The following AGER variants were observed in gnomAD, a reference collection of about 807,000 sequenced individuals.
The protein encoded by AGER is advanced glycosylation end-product specific receptor.
AGER carries 46 observed loss-of-function variants against 48.8 expected under a neutral mutation model. That is an observed-to-expected ratio of 0.94 (90% CI 0.74 to 1.20). The LOEUF (loss-of-function observed/expected upper bound fraction) is 1.20. Among genes scored for constraint, AGER ranks in the 50% most tolerant of loss-of-function variants. The pLI, the probability that AGER is intolerant of heterozygous loss-of-function variation, is 0.00. For synonymous variants in AGER, 170 were observed against 199.9 expected (o/e 0.85, Z 1.26); for missense variants, 489 against 515.0 (o/e 0.95, Z 0.49).
At position 32,181,725 on chromosome 6, in the gene AGER, T is replaced by G; in HGVS notation, c.965-93A>C. ...GCCCCAGTGGAGTCTTTCCCTTTCT[T>G]TTTTTTTTTGAGATGGAGTTTCACT... On this transcript the variant is annotated intron_variant, in intron 8 of 10. Coordinates refer to ENST00000375076, the MANE Select transcript of AGER (RefSeq NM_001136.5). This position sits in a 1 kb window ranked among gnomAD's most constrained non-coding sequence, Gnocchi z 4.1. 7.9e-7 allele frequency: 1 copy of G among 1,270,700 alleles called. No individual in the cohort carries two copies. Among genetic ancestry groups the G allele is most frequent in the Non-Finnish European group, 1.1e-6 (1 of 914,084 alleles). The allele number at this position is 1,270,700 out of a possible 1,614,324, so 78.7% of individuals were successfully genotyped here.
chr6:32,184,223 C>G lies in AGER; in HGVS notation c.-1G>C, dbSNP rs771679341. 6.2e-7 allele frequency: 1 copy of G among 1,612,436 alleles called. No homozygotes were observed. The highest frequency in any genetic ancestry group is 8.5e-7 in the Non-Finnish European group (1 of 1,179,692). On this transcript the variant is annotated 5_prime_UTR_variant, in exon 1 of 11. Transcript: ENST00000375076. ...CTCCAACTGCTGTTCCGGCAGCCAT[C>G]CTGCTTCCTTCCAGGGTCCTGGCTC... is the stretch of plus-strand genomic sequence containing the variant.
At position 32,182,723 on chromosome 6, in the gene AGER, T is replaced by C; in HGVS notation, c.692-25A>G. 1.9e-5 allele frequency: 31 copies of C among 1,613,048 alleles called. No individual in the cohort carries two copies. Among genetic ancestry groups the C allele is most frequent in the Non-Finnish European group, 2.6e-5 (31 of 1,180,022 alleles). On this transcript the variant is annotated intron_variant, in intron 6 of 10. Transcript: ENST00000375076. The surrounding 1 kb of genome is among the most constrained non-coding windows in gnomAD (Gnocchi z 5.1). ...TCTGGGAGTTGGAAGGGTTTTGAGG[T>C]GGAGAGTTACACTTGTGAGTGATCC...
Position 32,181,160 on chromosome 6 carries a change from T to C in AGER, c.1198A>G (p.Ser400Gly). The change falls in exon 11 of 11, where the codon AGT (serine) becomes GGT (glycine). Residue 400 changes from serine (S) to glycine (G), a missense_variant. Ser to Gly is a moderately conservative substitution (Grantham distance 56). Transcript: ENST00000375076. This position sits in a 1 kb window ranked among gnomAD's most constrained non-coding sequence, Gnocchi z 4.1. ...QSEEPEAGES[S>G]TGGP is the part of the protein sequence containing the mutation. ...TGGGCCCCTCAAGGCCCTCCAGTAC[T>C]ACTCTCGCCTGCCTCAGGTTCCTCC... 1 of 1,614,234 alleles carries C rather than the reference T, an allele frequency of 6.2e-7. No individual in the cohort carries two copies. The highest frequency in any genetic ancestry group is 8.5e-7 in the Non-Finnish European group (1 of 1,180,036).
rs1411476164 is a variant in AGER at position 32,181,753 on chromosome 6, T to G, written c.965-121A>C. On this transcript the variant is annotated intron_variant, in intron 8 of 10. Coordinates refer to ENST00000375076, the MANE Select transcript of AGER (RefSeq NM_001136.5). The surrounding 1 kb of genome is among the most constrained non-coding windows in gnomAD (Gnocchi z 4.1). ...TTTTTTTGAGATGGAGTTTCACTTT[T>G]GTTGCCCAGGCTGGCATGCAATGGT... The G allele has an allele frequency of 9.1e-7, 1 of 1,098,454 alleles. No homozygotes were observed. Among genetic ancestry groups the G allele is most frequent in the African/African-American group, 1.6e-5 (1 of 63,352 alleles). The allele number at this position is 1,098,454 out of a possible 1,614,324, so 68.0% of individuals were successfully genotyped here.
Position 32,182,353 on chromosome 6 carries a change from C to G in AGER, c.858G>C (p.Leu286=). 1 of 1,612,406 alleles carries G rather than the reference C, an allele frequency of 6.2e-7. No individual in the cohort carries two copies. Among genetic ancestry groups the G allele is most frequent in the African/African-American group, 1.3e-5 (1 of 74,884 alleles). The change falls in exon 8 of 11, where the codon CTG becomes CTC. Residue 286 remains leucine, a synonymous_variant. Transcript: ENST00000375076. The surrounding 1 kb of genome is among the most constrained non-coding windows in gnomAD (Gnocchi z 5.1). The part of the protein sequence containing the change: ...VPLPLPPSPV[L]ILPEIGPQDQ... ...CCTGAGGCCCTATCTCAGGGAGGAT[C>G]AGCACAGGGCTGGGGGGAAGGGGCA...
chr6:32,182,089 G>T lies in AGER; in HGVS notation c.964+158C>A. On this transcript the variant is annotated intron_variant, in intron 8 of 10. Coordinates refer to ENST00000375076, the MANE Select transcript of AGER (RefSeq NM_001136.5). This position sits in a 1 kb window ranked among gnomAD's most constrained non-coding sequence, Gnocchi z 5.1. ...AGGGAGAGGCTTGGCTGCTCTCTTG[G>T]CAGAATTTGGGTGGGGCAGGGGAGG... is the stretch of plus-strand genomic sequence containing the variant. 1.9e-6 allele frequency: 2 copies of T among 1,054,650 alleles called. No individual in the cohort carries two copies. The highest frequency in any genetic ancestry group is 2.8e-6 in the Non-Finnish European group (2 of 702,546). The allele number at this position is 1,054,650 out of a possible 1,614,324, so 65.3% of individuals were successfully genotyped here. A position where few individuals can be genotyped will look rare whatever the true frequency, so the allele number is the denominator to read the frequency against.
At position 32,182,145 on chromosome 6, in the gene AGER, G is replaced by A. The variant is rs1786332595; in HGVS notation, c.964+102C>T. 1 of 1,519,386 alleles carries A rather than the reference G, an allele frequency of 6.6e-7. No homozygotes were observed. Among genetic ancestry groups the A allele is most frequent in the African/African-American group, 1.4e-5 (1 of 73,122 alleles). The allele number at this position is 1,519,386 out of a possible 1,614,324, so 94.1% of individuals were successfully genotyped here. A position where few individuals can be genotyped will look rare whatever the true frequency, so the allele number is the denominator to read the frequency against. ...GTGTGGGTGCATGGAGGGAGAGGTG[G>A]GGTGGCTGTTAGGGATAAGGCCAGA... is the stretch of plus-strand genomic sequence containing the variant. On this transcript the variant is annotated intron_variant, in intron 8 of 10. Coordinates refer to ENST00000375076, the MANE Select transcript of AGER (RefSeq NM_001136.5). This position sits in a 1 kb window ranked among gnomAD's most constrained non-coding sequence, Gnocchi z 5.1.
Position 32,182,392 on chromosome 6 carries a change from G to T in AGER, c.823-4C>A. 3 of 1,609,662 alleles carry T rather than the reference G, an allele frequency of 1.9e-6. No individual in the cohort carries two copies. The highest frequency in any genetic ancestry group is 2.5e-6 in the Non-Finnish European group (3 of 1,178,040). ...GGGGAAGGGGCAAGGGCACACCCTGGTGGGGGAAGGGGAGAGGAGACTATT... is the reference window on the plus strand; with the variant it reads ...GGGGAAGGGGCAAGGGCACACCCTGTTGGGGGAAGGGGAGAGGAGACTATT... On this transcript the variant is annotated splice_region_variant and splice_polypyrimidine_tract_variant and intron_variant, in intron 7 of 10. Transcript: ENST00000375076. The surrounding 1 kb of genome is among the most constrained non-coding windows in gnomAD (Gnocchi z 5.1).
At position 32,182,402 on chromosome 6, in the gene AGER, G is replaced by C. The variant is rs780570376; in HGVS notation, c.823-14C>G. On this transcript the variant is annotated splice_polypyrimidine_tract_variant and intron_variant, in intron 7 of 10. Coordinates refer to ENST00000375076, the MANE Select transcript of AGER (RefSeq NM_001136.5). The surrounding 1 kb of genome is among the most constrained non-coding windows in gnomAD (Gnocchi z 5.1). ...CAAGGGCACACCCTGGTGGGGGAAG[G>C]GGAGAGGAGACTATTTCAAAACCCT... The C allele has an allele frequency of 5.6e-6, 9 of 1,606,016 alleles. No homozygotes were observed. Among genetic ancestry groups the C allele is most frequent in the Non-Finnish European group, 7.7e-6 (9 of 1,175,986 alleles).
Position 32,183,889 on chromosome 6 carries a change from A to G in AGER, c.151T>C (p.Trp51Arg). 1 of 1,613,000 alleles carries G rather than the reference A, an allele frequency of 6.2e-7. No individual in the cohort carries two copies. The highest frequency in any genetic ancestry group is 2.2e-5 in the East Asian group (1 of 44,880). ...ACAGGAGCCCCGCTTACCAGTTTCCATTCCAGCCGCTGGGGTGGTTTCTTG... is the reference window on the plus strand; with the variant it reads ...ACAGGAGCCCCGCTTACCAGTTTCCGTTCCAGCCGCTGGGGTGGTTTCTTG... ...APKKPPQRLE[W>R]KLNTGRTEAW... The change falls in exon 2 of 11, where the codon TGG (tryptophan) becomes CGG (arginine). Residue 51 changes from tryptophan to arginine, a missense_variant. Transcript: ENST00000375076.
At position 32,181,276 on chromosome 6, in the gene AGER, C is replaced by T. The variant is rs764515549; in HGVS notation, c.1119-37G>A. The T allele has an allele frequency of 1.1e-5, 17 of 1,613,730 alleles. No homozygotes were observed. In the African/African-American group the frequency reaches 1.1e-4, roughly 10 times the overall value. ...GATTGGGGGGAATGCGGCACGTTGT[C>T]GTTCCACCCCCCGACCCCTCTTCGC... On this transcript the variant is annotated intron_variant, in intron 10 of 10. Coordinates refer to ENST00000375076, the MANE Select transcript of AGER (RefSeq NM_001136.5). This position sits in a 1 kb window ranked among gnomAD's most constrained non-coding sequence, Gnocchi z 4.1.
chr6:32,181,677 T>C lies in AGER; in HGVS notation c.965-45A>G. The C allele has an allele frequency of 6.3e-7, 1 of 1,596,736 alleles. No individual in the cohort carries two copies. Among genetic ancestry groups the C allele is most frequent in the Non-Finnish European group, 8.6e-7 (1 of 1,167,236 alleles). The stretch of plus-strand genomic sequence containing the variant: ...CCAGTCAGAAAGGAAGACTTCGGGT[T>C]GAGAGAGGGTTATTTAGTGGGAGCC... On this transcript the variant is annotated intron_variant, in intron 8 of 10. Coordinates refer to ENST00000375076, the MANE Select transcript of AGER (RefSeq NM_001136.5). The surrounding 1 kb of genome is among the most constrained non-coding windows in gnomAD (Gnocchi z 4.1).
chr6:32,183,626 C>G lies in AGER; in HGVS notation c.284G>C (p.Gly95Ala), dbSNP rs955109132. The G allele has an allele frequency of 7.4e-6, 12 of 1,613,060 alleles. No homozygotes were observed. Among genetic ancestry groups the G allele is most frequent in the Non-Finnish European group, 9.3e-6 (11 of 1,180,028 alleles). Residue 95 changes from glycine to alanine, a missense_variant, in exon 3 of 11, where the codon GGG becomes GCG. Transcript: ENST00000375076. ...GTTCATTGCCTGGCACCGGAAAATC[C>G]CCTCATCCTGGATCCCGACAGCCGG... is the stretch of plus-strand genomic sequence containing the variant. ...FLPAVGIQDEGIFRCQAMNRN... is the reference protein window; with the variant it reads ...FLPAVGIQDEAIFRCQAMNRN...
rs761424289 is a variant in AGER at position 32,184,036 on chromosome 6, C to G, written c.53-49G>C. 2.5e-6 allele frequency: 4 copies of G among 1,612,056 alleles called. No homozygotes were observed. In the South Asian group the frequency reaches 4.4e-5, roughly 18 times the overall value. ...GGGGTAGGAAGGGAATGAGGGCTAA[C>G]AAAATTTGGACAGGGTGGGTGAGGG... On this transcript the variant is annotated intron_variant, in intron 1 of 10. Coordinates refer to ENST00000375076, the MANE Select transcript of AGER (RefSeq NM_001136.5).
At position 32,182,525 on chromosome 6, in the gene AGER, A is replaced by G; in HGVS notation, c.822+43T>C. 1 of 1,604,294 alleles carries G rather than the reference A, an allele frequency of 6.2e-7. No individual in the cohort carries two copies. The highest frequency in any genetic ancestry group is 1.7e-4 in the Middle Eastern group (1 of 6,018). The stretch of plus-strand genomic sequence containing the variant: ...CCCTCTGCCCTCCCTGTTGCTAGTT[A>G]TGGTTCACCCTACCTCCCAGCCCCT... On this transcript the variant is annotated intron_variant, in intron 7 of 10. Transcript: ENST00000375076. This position sits in a 1 kb window ranked among gnomAD's most constrained non-coding sequence, Gnocchi z 5.1.
At position 32,181,544 on chromosome 6, in the gene AGER, TC is replaced by T. The variant is rs780501411; in HGVS notation, c.991+61del. 1.1e-5 allele frequency: 17 copies of T among 1,612,814 alleles called. No homozygotes were observed. Among genetic ancestry groups the T allele is most frequent in the Non-Finnish European group, 1.4e-5 (17 of 1,180,000 alleles). ...CTCACCATTCCTTTCTTGTTGACCA[TC>T]CCCCCAGTCACATGTGTTGGGGGCT... On this transcript the variant is annotated intron_variant, in intron 9 of 10. Coordinates refer to ENST00000375076, the MANE Select transcript of AGER (RefSeq NM_001136.5). The surrounding 1 kb of genome is among the most constrained non-coding windows in gnomAD (Gnocchi z 4.1).
chr6:32,183,163 C>T lies in AGER; in HGVS notation c.459G>A (p.Gly153=). 1 of 1,613,094 alleles carries T rather than the reference C, an allele frequency of 6.2e-7. No homozygotes were observed. The highest frequency in any genetic ancestry group is 8.5e-7 in the Non-Finnish European group (1 of 1,180,018). Residue 153 remains glycine (G), a synonymous_variant, in exon 5 of 11, where the codon GGG becomes GGA. Transcript: ENST00000375076. ...TCVSEGSYPA[G]TLSWHLDGKP... The stretch of plus-strand genomic sequence containing the variant: ...TCCCATCCAAGTGCCAGCTAAGAGT[C>T]CCTGCAGGGTAGCTTCCCTCTGACA...
At chr6:32,183,076 C>T in intron 5 of AGER, 38 bp downstream of exon 5, 1 of 1,612,996 alleles carries the variant, frequency 6.2e-7, no homozygotes, top group Non-Finnish European at 8.5e-7. Context: ...GGAGTGAGAT[C>T]AGGGAGAAGG....
chr6:32,182,366 G>A lies in AGER; in HGVS notation c.845C>T (p.Pro282Leu). The change falls in exon 8 of 11, where the codon CCC (proline) becomes CTC (leucine). Residue 282 changes from proline to leucine, a missense_variant. Coordinates refer to ENST00000375076, the MANE Select transcript of AGER (RefSeq NM_001136.5). The surrounding 1 kb of genome is among the most constrained non-coding windows in gnomAD (Gnocchi z 5.1). ...CTCAGGGAGGATCAGCACAGGGCTG[G>A]GGGGAAGGGGCAAGGGCACACCCTG... ...MKDGVPLPLP[P>L]SPVLILPEIG... 1 of 1,612,410 alleles carries A rather than the reference G, an allele frequency of 6.2e-7. No individual in the cohort carries two copies. The highest frequency in any genetic ancestry group is 8.5e-7 in the Non-Finnish European group (1 of 1,179,878).
Sources: gnomAD v4.1 joint callset for allele counts on GRCh38, gnomAD v4.1.1 for gene constraint, Gnocchi (gnomAD v3.1) non-coding constraint, MANE v1.5 for transcripts, NCBI Gene and HGNC (gene_info 2026-07-23, HGNC 2026-07-21) for gene names.